PRKCD: variants seen among roughly 807,000 people sequenced by gnomAD.
The protein encoded by PRKCD is protein kinase C delta, also known as protein kinase C delta type.
Under a neutral mutation model 82.2 loss-of-function variants are expected in PRKCD, and 20 were observed. The observed-to-expected ratio is 0.24, with a 90% CI of 0.17 to 0.35. The LOEUF is 0.35. Ranked by LOEUF, PRKCD falls within the 10% of genes least tolerant of loss-of-function variation. The pLI is 1.00. For synonymous variants in PRKCD, 317 were observed against 337.0 expected (o/e 0.94, Z 0.65); for missense variants, 607 against 899.0 (o/e 0.68, Z 4.15).
chr3:53,181,497 C>T lies in PRKCD; in HGVS notation c.430C>T (p.Arg144Cys). 3 of 1,614,154 alleles carry T rather than the reference C, an allele frequency of 1.9e-6. No homozygotes were observed. The highest frequency in any genetic ancestry group is 1.7e-6 in the Non-Finnish European group (2 of 1,180,018). ...EDEAKFPTMN[R>C]RGAIKQAKIH... is the part of the protein sequence containing the mutation. Reference sequence around the variant, plus strand: ...CGAGGCCAAGTTCCCAACGATGAACCGCCGCGGAGCCATCAAACAGGCCAA... The same window carrying T: ...CGAGGCCAAGTTCCCAACGATGAACTGCCGCGGAGCCATCAAACAGGCCAA... Residue 144 changes from arginine to cysteine, a missense_variant, in exon 6 of 19, where the codon CGC (arginine) becomes TGC (cysteine). This residue lies in a region of PRKCD where 161 missense variants were observed against 227.0 expected (regional missense o/e 0.71). Coordinates refer to ENST00000330452, the MANE Select transcript of PRKCD (RefSeq NM_006254.4).
intron 2 of PRKCD, among the ~76,000 whole-genome samples, chr3:53,170,215 C>A (rs1702971785): frequency 6.6e-6 from 1 of 152,212 alleles, no homozygotes; most frequent in Admixed American, 6.5e-5. Flanking sequence ...CTGTTCCCAT[C>A]TCCAAACACA....
chr3:53,183,475 C>T lies in PRKCD; in HGVS notation c.681C>T (p.Ile227=), dbSNP rs572878484. ...DTIFQKERFN[I]DMPHRFKVHN... ...AGTTCCAGAAAGAACGCTTCAACATCGACATGCCGCACCGCTTCAAGGTTC... is the reference window on the plus strand; with the variant it reads ...AGTTCCAGAAAGAACGCTTCAACATTGACATGCCGCACCGCTTCAAGGTTC... The change falls in exon 9 of 19, where the codon ATC becomes ATT. Residue 227 remains isoleucine (I), a synonymous_variant. Coordinates refer to ENST00000330452, the MANE Select transcript of PRKCD (RefSeq NM_006254.4). 2.1e-5 allele frequency: 34 copies of T among 1,614,196 alleles called. No individual in the cohort carries two copies. Among genetic ancestry groups the T allele is most frequent in the South Asian group, 2.1e-4 (19 of 91,078 alleles).
In PRKCD at chr3:53,186,344, C is replaced by T; in HGVS notation, c.1260+4C>T. On this transcript the variant is annotated splice_donor_region_variant and intron_variant, in intron 13 of 18. Transcript: ENST00000330452. ...CATCTGCACCTTCCAGACCAAGGTG[C>T]CCGGGCCTCCTGCCGTCACCACCCC... The T allele has an allele frequency of 3.7e-6, 6 of 1,613,960 alleles. No individual in the cohort carries two copies. The highest frequency in any genetic ancestry group is 5.1e-6 in the Non-Finnish European group (6 of 1,179,930).
At chr3:53,170,445 C>A (rs1702981481) in intron 2 of PRKCD, among the ~76,000 whole-genome samples, 1 of 152,250 alleles carries the variant, frequency 6.6e-6, no homozygotes, top group East Asian at 1.9e-4. Flanking sequence ...CTCCCCTCCC[C>A]CTGCGCGCCA....
chr3:53,179,898 G>A (rs1233755908), intron 4 of PRKCD, 122 bp downstream of exon 4: 1 of 1,274,736 alleles, frequency 7.8e-7, no homozygotes, highest in African/African-American at 1.5e-5. Context: ...AAGAGCACCG[G>A]GCCCTGTGCT....
chr3:53,186,504 C>T, intron 13 of PRKCD, 100 bp from the exon 14 acceptor site: 1 of 1,379,156 alleles, frequency 7.3e-7, no homozygotes, highest in Non-Finnish European at 1.0e-6. Context: ...CAGCCAGGGC[C>T]TGTCCCTGCT....
At chr3:53,175,914 C>G (rs1283311326) in intron 2 of PRKCD, among the ~76,000 whole-genome samples, 1 of 152,194 alleles carries the variant, frequency 6.6e-6, no homozygotes, top group Admixed American at 6.5e-5. Flanking sequence ...TTGGGATGCT[C>G]ACCCAGATTC....
Position 53,192,420 on chromosome 3 carries a change from T to C in PRKCD, c.*154T>C, listed in dbSNP as rs1330029165. On this transcript the variant is annotated 3_prime_UTR_variant, in exon 19 of 19. Coordinates refer to ENST00000330452, the MANE Select transcript of PRKCD (RefSeq NM_006254.4). ...CCGTCTGGCCGGGCTCTCATGGTAC[T>C]TCCTCTGTGAACTGTGTGTGAATCT... 1 of 785,714 alleles carries C rather than the reference T, an allele frequency of 1.3e-6. No individual in the cohort carries two copies. The highest frequency in any genetic ancestry group is 1.7e-5 in the African/African-American group (1 of 57,810). The allele number at this position is 785,714 out of a possible 1,614,324, so 48.7% of individuals were successfully genotyped here.
chr3:53,188,643 A>G lies in PRKCD; in HGVS notation c.1416-77A>G, dbSNP rs183519911. On this transcript the variant is annotated intron_variant, in intron 15 of 18. Coordinates refer to ENST00000330452, the MANE Select transcript of PRKCD (RefSeq NM_006254.4). The stretch of plus-strand genomic sequence containing the variant: ...GGACAGTCCTGGACTAATACGGCTG[A>G]AAATTAGGACATGGGGGGCAGGGTT... 7 of 1,580,826 alleles carry G rather than the reference A, an allele frequency of 4.4e-6. No homozygotes were observed. In the African/African-American group the frequency reaches 5.4e-5, roughly 12 times the overall value.
Position 53,184,879 on chromosome 3 carries a change from G to T in PRKCD, c.793G>T (p.Gly265Cys). ...VKQGLKCEDC[G>C]MNVHHKCREK... ...CCGCTTCTCCCTCACCCCAGACTGC[G>T]GCATGAATGTGCACCATAAATGCCG... Residue 265 changes from glycine (G) to cysteine (C), a missense_variant, in exon 10 of 19, where the codon GGC (glycine) becomes TGC (cysteine). Coordinates refer to ENST00000330452, the MANE Select transcript of PRKCD (RefSeq NM_006254.4). 6.2e-7 allele frequency: 1 copy of T among 1,613,790 alleles called. No individual in the cohort carries two copies. The highest frequency in any genetic ancestry group is 8.5e-7 in the Non-Finnish European group (1 of 1,179,814).
chr3:53,167,187 A>T (rs1391896453), intron 2 of PRKCD, among the ~76,000 whole-genome samples: 9 of 152,146 alleles, frequency 5.9e-5, no homozygotes, highest in Non-Finnish European at 1.2e-4. Context: ...AGTGGGACTG[A>T]CCAGCCCTCT....
At chr3:53,189,278 GGGCT>G in intron 17 of PRKCD, 32 bp downstream of exon 17, 1 of 1,551,374 alleles carries the variant, frequency 6.4e-7, no homozygotes, top group Non-Finnish European at 8.7e-7. Context: ...GGGCTGGTCT[GGGCT>G]GGGCTGGGGC....
Position 53,186,304 on chromosome 3 carries a change from C to CT in PRKCD, c.1227dup (p.Leu410SerfsTer37). 2.5e-6 allele frequency: 4 copies of CT among 1,614,168 alleles called. No individual in the cohort carries two copies. Among genetic ancestry groups the CT allele is most frequent in the Non-Finnish European group, 3.4e-6 (4 of 1,180,022 alleles). On this transcript the variant is annotated frameshift_variant, in exon 13 of 19. Coordinates refer to ENST00000330452, the MANE Select transcript of PRKCD (RefSeq NM_006254.4). LOFTEE classifies it high-confidence loss of function. ...TGCTGACACTTGCCGCAGAGAATCC[C>CT]TTTCTCACCCACCTCATCTGCACCT...
chr3:53,184,930 A>G lies in PRKCD; in HGVS notation c.844A>G (p.Ile282Val), dbSNP rs781877260. The G allele has an allele frequency of 1.9e-6, 3 of 1,613,956 alleles. No individual in the cohort carries two copies. The highest frequency in any genetic ancestry group is 4.5e-5 in the East Asian group (2 of 44,886). ...CREKVANLCG[I>V]NQKLLAEALN... ...GGAGAAGGTGGCCAACCTCTGCGGC[A>G]TCAACCAGAAGCTTTTGGCTGAGGC... Residue 282 changes from isoleucine (I) to valine (V), a missense_variant, in exon 10 of 19, where the codon ATC becomes GTC. Physicochemically the swap from Ile to Val is conservative, Grantham distance 29. Around this residue, in one of 5 missense-constraint regions of PRKCD, gnomAD observed 109 missense variants for 155.6 expected, o/e 0.70. Coordinates refer to ENST00000330452, the MANE Select transcript of PRKCD (RefSeq NM_006254.4).
In PRKCD at chr3:53,189,959, G is replaced by A; in HGVS notation, c.1830G>A (p.Leu610=). ...TCTTCAAGACCATAAACTGGACTCTGCTGGAAAAGCGGAGGTTGGAGCCAC... is the reference window on the plus strand; with the variant it reads ...TCTTCAAGACCATAAACTGGACTCTACTGGAAAAGCGGAGGTTGGAGCCAC... ...HPFFKTINWT[L]LEKRRLEPPF... Residue 610 remains leucine (L), a synonymous_variant, in exon 18 of 19, where the codon CTG becomes CTA. Transcript: ENST00000330452. The A allele has an allele frequency of 6.2e-7, 1 of 1,614,178 alleles. No homozygotes were observed. Among genetic ancestry groups the A allele is most frequent in the South Asian group, 1.1e-5 (1 of 91,086 alleles).
In PRKCD at chr3:53,172,285, C is replaced by T. The variant is rs1026297997; in HGVS notation, c.-19-6119C>T. On this transcript the variant is annotated intron_variant, in intron 2 of 18. Transcript: ENST00000330452. ...CTGCATGGCCTCCTTGCCTTGTTTC[C>T]GCTGGGAAGGCCATCTAGGCAGCCA... Among the ~76,000 whole-genome samples, 61 of 152,062 alleles carry T rather than the reference C, an allele frequency of 4.0e-4. 1 individual carries two copies. Among genetic ancestry groups the T allele is most frequent in the African/African-American group, 1.4e-3 (58 of 41,380 alleles).
chr3:53,190,929 T>C (rs1703903373), intron 18 of PRKCD, among the ~76,000 whole-genome samples: 1 of 152,170 alleles, frequency 6.6e-6, no homozygotes, highest in South Asian at 2.1e-4. Context: ...TCACTTTTGA[T>C]AGATTTCCTT....
chr3:53,181,953 C>T (rs552198897), intron 7 of PRKCD: 34 of 740,252 alleles, frequency 4.6e-5, no homozygotes, highest in African/African-American at 3.1e-4. Context: ...CATTCAGTGA[C>T]GGGGAGTTGG....
At chr3:53,165,578 G>T (rs1312347247) in intron 2 of PRKCD, among the ~76,000 whole-genome samples, 2 of 152,208 alleles carry the variant, frequency 1.3e-5, no homozygotes, top group Non-Finnish European at 2.9e-5. Context: ...CCATGGCCCT[G>T]TATCTGCCTC....
Sources: gnomAD v4.1 joint callset for allele counts (sites outside exome capture counted in the v4.1 genomes callset) on GRCh38, gnomAD v4.1.1 for gene constraint, gnomAD v4.1.1 regional missense constraint, MANE v1.5 for transcripts, NCBI Gene and HGNC (gene_info 2026-07-23, HGNC 2026-07-21) for gene names.